ALPK3: variants seen among roughly 807,000 people sequenced by gnomAD.
ALPK3 encodes alpha-protein kinase 3.
ALPK3 carries 102 observed loss-of-function variants against 140.0 expected under a neutral mutation model. That is an observed-to-expected ratio of 0.73 (90% CI 0.62 to 0.86). The LOEUF is 0.86. Ranked by LOEUF, ALPK3 falls within the 40% of genes least tolerant of loss-of-function variation. The probability of loss-of-function intolerance (pLI) is 0.00; values close to 1 mark genes in which losing one functional copy is unlikely to be tolerated. For missense variants in ALPK3, 2,254 were observed against 2,208.2 expected, an observed-to-expected ratio of 1.02 and a Z score of -0.42; for synonymous variants, 938 against 898.5, an observed-to-expected ratio of 1.04 and a Z score of -0.79.
At position 84,854,861 on chromosome 15, in the gene ALPK3, A is replaced by G. The variant is rs553462250; in HGVS notation, c.1654-1531A>G. ...ATTTTAGTCTTGCTTCTACAGTTAT[A>G]TGTTAATATGCATTAATATATATGT... On this transcript the variant is annotated intron_variant, in intron 5 of 13. Transcript: ENST00000258888. 4.6e-5 allele frequency among the ~76,000 whole-genome samples: 7 copies of G among 152,312 alleles called. No homozygotes were observed. The East Asian group carries it at 1.2e-3, about 25-fold the overall frequency.
intron 1 of ALPK3, among the ~76,000 whole-genome samples, chr15:84,819,115 G>C (rs951821688): frequency 2.0e-5 from 3 of 152,186 alleles, no homozygotes. Context: ...TTTAGGAAAA[G>C]GGCTGGAGAA....
At chr15:84,825,411 G>A (rs1052698997) in intron 2 of ALPK3, among the ~76,000 whole-genome samples, 5 of 152,138 alleles carry the variant, frequency 3.3e-5, no homozygotes, top group African/African-American at 7.2e-5. Context: ...TCTTGACCTC[G>A]TGATCCGCCA....
intron 3 of ALPK3, among the ~76,000 whole-genome samples, chr15:84,832,208 G>T (rs528420667): frequency 1.3e-5 from 2 of 152,222 alleles, no homozygotes; most frequent in African/African-American, 4.8e-5. Context: ...CAATTCTTAG[G>T]CCCTTTGGGG....
intron 1 of ALPK3, among the ~76,000 whole-genome samples, chr15:84,820,036 C>T (rs560562512): frequency 1.3e-5 from 2 of 152,344 alleles, no homozygotes; most frequent in South Asian, 4.1e-4. Context: ...GTAGGCCCAG[C>T]CCCCAGGTCA....
At chr15:84,850,944 T>A (rs148606038) in intron 5 of ALPK3, among the ~76,000 whole-genome samples, 8 of 148,998 alleles carry the variant, frequency 5.4e-5, no homozygotes, top group Non-Finnish European at 1.2e-4. Context: ...GTTAGAGGGG[T>A]CAGCCCTTGT....
chr15:84,838,209 C>G (rs895002252), intron 3 of ALPK3, among the ~76,000 whole-genome samples: 10 of 152,114 alleles, frequency 6.6e-5, no homozygotes, highest in African/African-American at 2.2e-4. Context: ...TTCAAATAAT[C>G]CTAACAGCTC....
At chr15:84,843,871 G>A (rs1052005714) in intron 5 of ALPK3, among the ~76,000 whole-genome samples, 2 of 152,110 alleles carry the variant, frequency 1.3e-5, no homozygotes, top group Non-Finnish European at 1.5e-5. Context: ...GAGGTGGGCA[G>A]ATCACTTGAA....
rs778715401 is a variant in ALPK3 at position 84,859,902 on chromosome 15, G to T, written c.4092G>T (p.Glu1364Asp). The change falls in exon 8 of 14, where the codon GAG (glutamate) becomes GAT (aspartate). Residue 1364 changes from glutamate (E) to aspartate (D), a missense_variant and splice_region_variant. This residue lies in a region of ALPK3 where 2,088 missense variants were observed against 2,022.9 expected (regional missense o/e 1.03). Coordinates refer to ENST00000258888, the MANE Select transcript of ALPK3 (RefSeq NM_020778.5). ...CCACCGACTTCTGCCTCAGCCCTGAGGGTGAGTGTGCCCCGCGGCCCGGGG... is the reference window on the plus strand; with the variant it reads ...CCACCGACTTCTGCCTCAGCCCTGATGGTGAGTGTGCCCCGCGGCCCGGGG... Reference protein sequence around the residue: ...SASTDFCLSPEVLSGFISREE... With the variant: ...SASTDFCLSPDVLSGFISREE... The T allele has an allele frequency of 9.9e-6, 16 of 1,614,036 alleles. No individual in the cohort carries two copies. The highest frequency in any genetic ancestry group is 1.3e-5 in the African/African-American group (1 of 75,076).
At chr15:84,866,035 A>G (rs1964000428) in intron 12 of ALPK3, among the ~76,000 whole-genome samples, 1 of 152,200 alleles carries the variant, frequency 6.6e-6, no homozygotes, top group African/African-American at 2.4e-5. Flanking sequence ...ACTGAAGCTC[A>G]CCCTGGTTAG....
At chr15:84,823,480 G>A in intron 2 of ALPK3, 112 bp downstream of exon 2, 2 of 1,245,940 alleles carry the variant, frequency 1.6e-6, no homozygotes, top group Non-Finnish European at 1.2e-6. Flanking sequence ...GGTGAGGGGA[G>A]AGCTGGAGGG....
Position 84,864,680 on chromosome 15 carries a change from G to A in ALPK3, c.4723+15G>A, listed in dbSNP as rs745949902. On this transcript the variant is annotated intron_variant, in intron 12 of 13. Coordinates refer to ENST00000258888, the MANE Select transcript of ALPK3 (RefSeq NM_020778.5). ...AGACTTGGCAGGTACGAGGGTGTGAGGGTGCACGGGTACGCATGTGCATGG... is the reference window on the plus strand; with the variant it reads ...AGACTTGGCAGGTACGAGGGTGTGAAGGTGCACGGGTACGCATGTGCATGG... The A allele has an allele frequency of 1.2e-6, 2 of 1,611,302 alleles. No homozygotes were observed. The highest frequency in any genetic ancestry group is 3.3e-5 in the Admixed American group (2 of 59,952).
In ALPK3 at chr15:84,817,388, C is replaced by A; in HGVS notation, c.-65C>A. 1 of 1,219,850 alleles carries A rather than the reference C, an allele frequency of 8.2e-7. No individual in the cohort carries two copies. Among genetic ancestry groups the A allele is most frequent in the Non-Finnish European group, 1.0e-6 (1 of 981,952 alleles). The allele number at this position is 1,219,850 out of a possible 1,614,324, so 75.6% of individuals were successfully genotyped here. A position where few individuals can be genotyped will look rare whatever the true frequency, so the allele number is the denominator to read the frequency against. Reference sequence around the variant, plus strand: ...GCGGCGGCGGGCAGGGGCCCGGGGGCCGGGGCCTGGAGGACAGGCGAGGCA... The same window carrying A: ...GCGGCGGCGGGCAGGGGCCCGGGGGACGGGGCCTGGAGGACAGGCGAGGCA... On this transcript the variant is annotated 5_prime_UTR_variant, in exon 1 of 14. Coordinates refer to ENST00000258888, the MANE Select transcript of ALPK3 (RefSeq NM_020778.5).
At position 84,863,544 on chromosome 15, in the gene ALPK3, A is replaced by T; in HGVS notation, c.4411-8A>T. The stretch of plus-strand genomic sequence containing the variant: ...TTTGCTCACCACATTTGGTTCCCTC[A>T]TCCACAGGGGTGCAAGATCCAGAAC... On this transcript the variant is annotated splice_region_variant and splice_polypyrimidine_tract_variant and intron_variant, in intron 10 of 13. Coordinates refer to ENST00000258888, the MANE Select transcript of ALPK3 (RefSeq NM_020778.5). The T allele has an allele frequency of 6.2e-7, 1 of 1,613,700 alleles. No individual in the cohort carries two copies. The highest frequency in any genetic ancestry group is 1.1e-5 in the South Asian group (1 of 91,000).
chr15:84,834,008 T>C (rs886358789), intron 3 of ALPK3, among the ~76,000 whole-genome samples: 3 of 151,530 alleles, frequency 2.0e-5, no homozygotes, highest in African/African-American at 4.9e-5. Context: ...GGTGCACATG[T>C]TCATATTGGG....
intron 5 of ALPK3, among the ~76,000 whole-genome samples, chr15:84,850,881 C>CACACACACACACA (rs1963795346): frequency 2.8e-5 from 2 of 70,664 alleles, no homozygotes; most frequent in African/African-American, 1.0e-4. Flanking sequence ...TCCAGATATA[C>CACACACACACACA]ACACACACAC....
chr15:84,865,706 C>T (rs1963995904), intron 12 of ALPK3, among the ~76,000 whole-genome samples: 1 of 152,200 alleles, frequency 6.6e-6, no homozygotes, highest in African/African-American at 2.4e-5. Flanking sequence ...CGCCTGTAAT[C>T]CCAGCACTTT....
rs778933660 is a variant in ALPK3, at chr15:84,857,381, G to A, written c.2643G>A (p.Ala881=). 9.9e-6 allele frequency: 16 copies of A among 1,614,092 alleles called. No homozygotes were observed. Among genetic ancestry groups the A allele is most frequent in the Middle Eastern group, 3.3e-4 (2 of 6,062 alleles). ...CTGGGCTGACAGCTAGCCCAAAGGC[G>A]GGGCCGTGTAGCACCCCGACTTCTC... The part of the protein sequence containing the change: ...PGTGLTASPK[A]GPCSTPTSQH... Residue 881 remains alanine, a synonymous_variant, in exon 6 of 14, where the codon GCG becomes GCA. Coordinates refer to ENST00000258888, the MANE Select transcript of ALPK3 (RefSeq NM_020778.5).
intron 9 of ALPK3, 86 bp downstream of exon 9, chr15:84,860,158 C>T (rs1307934974): frequency 2.7e-6 from 4 of 1,490,040 alleles, no homozygotes; most frequent in Non-Finnish European, 3.7e-6. Context: ...GAATCTGGTC[C>T]CAATCCACAT....
chr15:84,867,923 A>G (rs1269893363), intron 13 of ALPK3, among the ~76,000 whole-genome samples, 188 bp from the exon 14 acceptor site: 1 of 151,908 alleles, frequency 6.6e-6, no homozygotes, highest in Non-Finnish European at 1.5e-5. Context: ...CTATTTTTTT[A>G]AAAAGAAAAA....
Sources: allele counts gnomAD v4.1 joint callset (sites outside exome capture counted in the v4.1 genomes callset), GRCh38; gene constraint gnomAD v4.1.1; regional missense constraint gnomAD v4.1.1; transcripts MANE v1.5; gene names NCBI Gene and HGNC (gene_info 2026-07-23, HGNC 2026-07-21).